KIF6: variants seen among roughly 807,000 people sequenced by gnomAD.
KIF6 encodes kinesin family member 6.
In KIF6, 106 loss-of-function variants were observed where a neutral mutation model predicts 112.7. The observed-to-expected ratio is 0.94, with a 90% confidence interval of 0.80 to 1.11. The LOEUF is 1.11. KIF6 is among the 50% of genes least tolerant of loss of function. The probability of loss-of-function intolerance (pLI) is 0.00; values close to 1 mark genes in which losing one functional copy is unlikely to be tolerated. For missense variants in KIF6, 929 were observed against 964.0 expected (o/e 0.96, Z 0.48); for synonymous variants, 339 against 339.9 (o/e 1.00, Z 0.03).
At chr6:39,429,354 C>G (rs1476084742) in intron 14 of KIF6, among the ~76,000 whole-genome samples, 1 of 152,094 alleles carries the variant, frequency 6.6e-6, no homozygotes, top group Non-Finnish European at 1.5e-5. Context: ...CTTTAATTTT[C>G]TCTCTCTTCT....
intron 3 of KIF6, among the ~76,000 whole-genome samples, chr6:39,645,499 A>T (rs942656317): frequency 2.6e-5 from 4 of 152,172 alleles, no homozygotes; most frequent in Non-Finnish European, 5.9e-5. Context: ...CATTCCAGGG[A>T]TGAAGCCAAC....
At chr6:39,338,473 T>C (rs922098282) in intron 22 of KIF6, among the ~76,000 whole-genome samples, 1 of 152,222 alleles carries the variant, frequency 6.6e-6, no homozygotes, top group Non-Finnish European at 1.5e-5. Flanking sequence ...ATATGGTCCT[T>C]ATTTTTAAGA....
chr6:39,462,767 T>C (rs1448703601), intron 13 of KIF6, among the ~76,000 whole-genome samples: 1 of 152,184 alleles, frequency 6.6e-6, no homozygotes, highest in African/African-American at 2.4e-5. Flanking sequence ...TTTGTATATA[T>C]GTCATAAATA....
At chr6:39,408,352 C>A (rs1769232402) in intron 15 of KIF6, among the ~76,000 whole-genome samples, 2 of 152,198 alleles carry the variant, frequency 1.3e-5, no homozygotes, top group South Asian at 4.1e-4. Flanking sequence ...ACTGTTGCTC[C>A]CCCTAATTCT....
At chr6:39,680,148 C>T (rs1260824089) in intron 3 of KIF6, among the ~76,000 whole-genome samples, 3 of 152,126 alleles carry the variant, frequency 2.0e-5, no homozygotes, top group Non-Finnish European at 4.4e-5. Context: ...GCTGGGATTA[C>T]AGCGGCACAC....
chr6:39,679,249 A>C (rs1332926012), intron 3 of KIF6, among the ~76,000 whole-genome samples: 1 of 152,218 alleles, frequency 6.6e-6, no homozygotes, highest in Non-Finnish European at 1.5e-5. Context: ...ATGAATTCAC[A>C]TGGCCAAATT....
chr6:39,618,225 A>G (rs1193802047), intron 5 of KIF6, among the ~76,000 whole-genome samples: 1 of 152,228 alleles, frequency 6.6e-6, no homozygotes, highest in Non-Finnish European at 1.5e-5. Context: ...CGTTTTGTCC[A>G]TTACTGAGAT....
chr6:39,637,624 A>G (rs1784692775), intron 4 of KIF6, among the ~76,000 whole-genome samples: 1 of 151,970 alleles, frequency 6.6e-6, no homozygotes, highest in Non-Finnish European at 1.5e-5. Context: ...TCCTTTAAGA[A>G]TTCTAGAGAG....
chr6:39,483,704 G>C (rs893161062), intron 13 of KIF6, among the ~76,000 whole-genome samples: 1 of 152,140 alleles, frequency 6.6e-6, no homozygotes, highest in African/African-American at 2.4e-5. Flanking sequence ...CTTTATCCGA[G>C]ATTCAAAGGA....
At chr6:39,508,692 C>T (rs915997623) in intron 13 of KIF6, among the ~76,000 whole-genome samples, 1 of 152,102 alleles carries the variant, frequency 6.6e-6, no homozygotes, top group African/African-American at 2.4e-5. Flanking sequence ...CTTGAGTAGG[C>T]AGTTCTATGG....
At chr6:39,457,690 T>G (rs1306321983) in intron 13 of KIF6, among the ~76,000 whole-genome samples, 1 of 151,874 alleles carries the variant, frequency 6.6e-6, no homozygotes, top group African/African-American at 2.4e-5. Context: ...AAAGGGGATA[T>G]CACCACCGAT....
chr6:39,610,371 G>T (rs1416230717), intron 6 of KIF6, among the ~76,000 whole-genome samples: 1 of 152,140 alleles, frequency 6.6e-6, no homozygotes, highest in Non-Finnish European at 1.5e-5. Flanking sequence ...GCTGGCTATG[G>T]GTAAAGAACA....
At chr6:39,650,995 G>C (rs1013271403) in intron 3 of KIF6, among the ~76,000 whole-genome samples, 2 of 151,930 alleles carry the variant, frequency 1.3e-5, no homozygotes, top group African/African-American at 4.8e-5. Context: ...TAACCACCAA[G>C]ATAAGCATCT....
intron 3 of KIF6, among the ~76,000 whole-genome samples, chr6:39,701,228 TACC>T (rs1224489590): frequency 1.3e-5 from 2 of 152,224 alleles, no homozygotes; most frequent in African/African-American, 4.8e-5. Flanking sequence ...TTGGCTCTGG[TACC>T]TATGGGATAG....
intron 9 of KIF6, among the ~76,000 whole-genome samples, chr6:39,584,594 G>A (rs1466029691): frequency 6.6e-6 from 1 of 152,004 alleles, no homozygotes; most frequent in Non-Finnish European, 1.5e-5. Flanking sequence ...AAACAATGGG[G>A]AGCTGCAAGT....
intron 3 of KIF6, among the ~76,000 whole-genome samples, chr6:39,712,111 A>G (rs1468437564): frequency 6.6e-6 from 1 of 152,168 alleles, no homozygotes; most frequent in African/African-American, 2.4e-5. Context: ...CATAGGAGGA[A>G]TAGCTCCAAA....
chr6:39,374,728 T>G (rs936046746), intron 16 of KIF6, among the ~76,000 whole-genome samples: 10 of 152,246 alleles, frequency 6.6e-5, no homozygotes, highest in African/African-American at 2.2e-4. Context: ...AGATAAGTGT[T>G]GGTGAGGATG....
At chr6:39,461,747 G>C (rs1301655766) in intron 13 of KIF6, among the ~76,000 whole-genome samples, 1 of 151,988 alleles carries the variant, frequency 6.6e-6, no homozygotes, top group Non-Finnish European at 1.5e-5. Context: ...ATTTACAAGT[G>C]TAAAATGTAG....
At chr6:39,663,729 T>C (rs537603302) in intron 3 of KIF6, among the ~76,000 whole-genome samples, 2 of 151,954 alleles carry the variant, frequency 1.3e-5, no homozygotes, top group African/African-American at 4.8e-5. Context: ...TTAAAAAAAA[T>C]AGATAAATCT....
Sources: gnomAD v4.1 joint callset for allele counts (sites outside exome capture counted in the v4.1 genomes callset) on GRCh38, gnomAD v4.1.1 for gene constraint, MANE v1.5 for transcripts, NCBI Gene and HGNC (gene_info 2026-07-23, HGNC 2026-07-21) for gene names.